Variants in PIK3C2G observed in about 807,000 individuals in gnomAD.
PIK3C2G encodes phosphatidylinositol 3-kinase C2 domain-containing subunit gamma.
A neutral mutation model predicts 181.1 loss-of-function variants in PIK3C2G; 168 were observed. That is an observed-to-expected ratio of 0.93 (90% CI 0.82 to 1.05). The LOEUF (loss-of-function observed/expected upper bound fraction) is 1.05, where lower values mean the gene tolerates loss of function less well. PIK3C2G is among the 50% of genes least tolerant of loss of function. The pLI, the probability that PIK3C2G is intolerant of heterozygous loss-of-function variation, is 0.00. For synonymous variants in PIK3C2G, 573 were observed against 592.2 expected, an observed-to-expected ratio of 0.97 and a Z score of 0.47; for missense variants, 1,869 against 1,732.8, an observed-to-expected ratio of 1.08 and a Z score of -1.40.
At position 18,581,977 on chromosome 12, in the gene PIK3C2G, T is replaced by G. The variant is rs78427583; in HGVS notation, c.4012-12517T>G. On this transcript the variant is annotated intron_variant, in intron 29 of 32. Coordinates refer to ENST00000538779, the MANE Select transcript of PIK3C2G (RefSeq NM_001288772.2). ...GTGCCTGGAATTTCAGAGAAAAGCA[T>G]ATTTCAAAGAAGAAGGGATAATGAG... Among the ~76,000 whole-genome samples the G allele has an allele frequency of 5.8e-3, 890 of 152,234 alleles. 2 individuals are homozygous for G. The highest frequency in any genetic ancestry group is 0.01 in the Middle Eastern group (3 of 294).
intron 31 of PIK3C2G, among the ~76,000 whole-genome samples, chr12:18,632,078 G>C (rs752967898): frequency 6.6e-6 from 1 of 151,908 alleles, no homozygotes; most frequent in Non-Finnish European, 1.5e-5. Flanking sequence ...TGGAGACCAG[G>C]GACACTGTGA....
chr12:18,538,501 G>C (rs1943983787), intron 25 of PIK3C2G, among the ~76,000 whole-genome samples, 189 bp downstream of exon 25: 1 of 151,894 alleles, frequency 6.6e-6, no homozygotes, highest in Non-Finnish European at 1.5e-5. Flanking sequence ...TTCGTTCATA[G>C]TTATTGTCTC....
intron 24 of PIK3C2G, among the ~76,000 whole-genome samples, chr12:18,532,865 A>G (rs1026996311): frequency 1.4e-5 from 2 of 147,236 alleles, no homozygotes; most frequent in African/African-American, 5.0e-5. Context: ...TAGAGTGGTT[A>G]CAATCTAAAA....
In PIK3C2G at chr12:18,599,257, A is replaced by G. The variant is rs537088021; in HGVS notation, c.4087+4688A>G. On this transcript the variant is annotated intron_variant, in intron 30 of 32. Transcript: ENST00000538779. ...AGACTTGGAACCAACCCAAATGTCC[A>G]ACAATGAAAGACTGGATTAAGAAAA... Among the ~76,000 whole-genome samples the G allele has an allele frequency of 4.1e-3, 617 of 152,326 alleles. 4 individuals carry two copies. Among genetic ancestry groups the G allele is most frequent in the African/African-American group, 0.014 (572 of 41,558 alleles).
rs1592316427 is a variant in PIK3C2G at position 18,460,523 on chromosome 12, G to A, written c.2505-27926G>A. 4.6e-5 allele frequency among the ~76,000 whole-genome samples: 7 copies of A among 151,636 alleles called. 1 individual carries two copies. Among genetic ancestry groups the A allele is most frequent in the African/African-American group, 1.7e-4 (7 of 41,324 alleles). Reference sequence around the variant, plus strand: ...CGGGAGGCAGAGGTTGCAGTGAGCTGAGATGGCGCCACTGCACTCCAGCCT... The same window carrying A: ...CGGGAGGCAGAGGTTGCAGTGAGCTAAGATGGCGCCACTGCACTCCAGCCT... On this transcript the variant is annotated intron_variant, in intron 18 of 32. Coordinates refer to ENST00000538779, the MANE Select transcript of PIK3C2G (RefSeq NM_001288772.2).
intron 18 of PIK3C2G, among the ~76,000 whole-genome samples, chr12:18,456,167 A>T (rs1463954059): frequency 1.3e-5 from 2 of 152,176 alleles, no homozygotes; most frequent in African/African-American, 4.8e-5. Context: ...TAAAGTTTTT[A>T]AAATGTTAAA....
the PIK3C2G span, chr12:18,685,684 G>A: frequency 5.8e-6 from 3 of 513,044 alleles, no homozygotes; most frequent in Admixed American, 5.9e-5. Context: ...ATTTCATGGG[G>A]TACAGAGGCA....
chr12:18,303,185 CTT>C (rs1950276605), intron 5 of PIK3C2G, among the ~76,000 whole-genome samples: 2 of 136,700 alleles, frequency 1.5e-5, no homozygotes, highest in South Asian at 2.3e-4. Flanking sequence ...CTTTCTCTCT[CTT>C]CTTTCTTTCT....
At chr12:18,313,381 G>A (rs1234272488) in intron 5 of PIK3C2G, among the ~76,000 whole-genome samples, 1 of 152,038 alleles carries the variant, frequency 6.6e-6, no homozygotes, top group African/African-American at 2.4e-5. Flanking sequence ...ACCCTTTGAT[G>A]TAGACATTAC....
At chr12:18,274,283 C>T (rs1948878605) in intron 1 of PIK3C2G, among the ~76,000 whole-genome samples, 1 of 152,154 alleles carries the variant, frequency 6.6e-6, no homozygotes, top group African/African-American at 2.4e-5. Flanking sequence ...TACCATTTGA[C>T]CCAGCCATCC....
rs146308378 is a variant in PIK3C2G at position 18,544,804 on chromosome 12, T to G, written c.3481-1519T>G. ...CCTCATCCATCTCCTTGGTTTCAATTATCATTTATATGCTAATGACAGTCA... is the reference window on the plus strand; with the variant it reads ...CCTCATCCATCTCCTTGGTTTCAATGATCATTTATATGCTAATGACAGTCA... On this transcript the variant is annotated intron_variant, in intron 25 of 32. Transcript: ENST00000538779. Among the ~76,000 whole-genome samples the G allele has an allele frequency of 5.4e-3, 823 of 151,962 alleles. 4 individuals carry two copies. Among genetic ancestry groups the G allele is most frequent in the Middle Eastern group, 0.017 (5 of 294 alleles).
chr12:18,484,142 A>G (rs1303444651), intron 18 of PIK3C2G, among the ~76,000 whole-genome samples: 6 of 152,230 alleles, frequency 3.9e-5, no homozygotes, highest in Admixed American at 3.9e-4. Context: ...GACAAGGGAT[A>G]AAGAAGTAAA....
rs59803351 is a variant in PIK3C2G at position 18,315,892 on chromosome 12, C to CGTGTGT, written c.1137+1853_1137+1858dup. 8.4e-3 allele frequency among the ~76,000 whole-genome samples: 1,236 copies of CGTGTGT among 147,566 alleles called. 18 individuals carry two copies. The highest frequency in any genetic ancestry group is 0.029 in the African/African-American group (1,148 of 40,178). ...CAAAAATTCTAGCTTCATGCATCCA[C>CGTGTGT]GTGTGTGTGTGTGTGTGTGTGTGTG... On this transcript the variant is annotated intron_variant, in intron 6 of 32. Transcript: ENST00000538779.
At chr12:18,696,319 CCA>C in the PIK3C2G span, 6 of 320,568 alleles carry the variant, frequency 1.9e-5, no homozygotes, top group Admixed American at 1.0e-4. Flanking sequence ...ATTTAAAAAG[CCA>C]CTATATATAT....
the PIK3C2G span, among the ~76,000 whole-genome samples, chr12:18,675,149 A>T: frequency 6.6e-6 from 1 of 152,194 alleles, no homozygotes; most frequent in African/African-American, 2.4e-5. Flanking sequence ...ATTTTAATTT[A>T]TTTAAATATA....
intron 1 of PIK3C2G, among the ~76,000 whole-genome samples, chr12:18,272,598 C>T (rs910997192): frequency 2.6e-5 from 4 of 152,114 alleles, no homozygotes; most frequent in African/African-American, 9.7e-5. Context: ...TTAACAATGA[C>T]AAAATAAATG....
intron 11 of PIK3C2G, among the ~76,000 whole-genome samples, chr12:18,350,793 T>C (rs960408245): frequency 2.0e-5 from 3 of 152,174 alleles, no homozygotes; most frequent in African/African-American, 7.2e-5. Context: ...TGACATGGTA[T>C]TGAAATATTC....
chr12:18,504,926 C>T (rs961542137), intron 23 of PIK3C2G, among the ~76,000 whole-genome samples: 8 of 151,866 alleles, frequency 5.3e-5, no homozygotes, highest in African/African-American at 1.9e-4. Flanking sequence ...AATATTGGGG[C>T]GTATTGTTCC....
chr12:18,275,647 C>T (rs1288151150), intron 1 of PIK3C2G, among the ~76,000 whole-genome samples: 1 of 152,188 alleles, frequency 6.6e-6, no homozygotes, highest in East Asian at 1.9e-4. Flanking sequence ...TCCCAAAGTG[C>T]TGGGATTACA....
Sources: allele counts gnomAD v4.1 joint callset (sites outside exome capture counted in the v4.1 genomes callset), GRCh38; gene constraint gnomAD v4.1.1; transcripts MANE v1.5; gene names NCBI Gene and HGNC (gene_info 2026-07-23, HGNC 2026-07-21).